Variants in IQGAP2 observed in about 807,000 individuals in gnomAD.
The protein encoded by IQGAP2 is ras GTPase-activating-like protein IQGAP2.
A neutral mutation model predicts 201.3 loss-of-function variants in IQGAP2; 173 were observed. The ratio of observed to expected loss-of-function variants is 0.86; its 90% CI spans 0.76 to 0.98. The LOEUF (loss-of-function observed/expected upper bound fraction) is 0.98. Among genes scored for constraint, IQGAP2 ranks in the 50% least tolerant of loss-of-function variants. IQGAP2 has a pLI of 0.00. For synonymous variants in IQGAP2, 675 were observed against 673.9 expected (o/e 1.00, Z -0.03); for missense variants, 1,687 against 1,864.8 (o/e 0.90, Z 1.76).
At position 76,543,433 on chromosome 5, in the gene IQGAP2, G is replaced by A. The variant is rs551310040; in HGVS notation, c.147-18963G>A. On this transcript the variant is annotated intron_variant, in intron 2 of 35. Coordinates refer to ENST00000274364, the MANE Select transcript of IQGAP2 (RefSeq NM_006633.5). ...GACGTAAATGTGCAAGCGGGCCTCA[G>A]AGCCTAGGTGGACCGGCCTCCTTGC... Among the ~76,000 whole-genome samples the A allele has an allele frequency of 9.8e-4, 149 of 152,340 alleles. 1 individual carries two copies. The highest frequency in any genetic ancestry group is 3.4e-3 in the African/African-American group (142 of 41,578).
At chr5:76,462,320 T>G (rs2150126836) in intron 2 of IQGAP2, among the ~76,000 whole-genome samples, 1 of 152,246 alleles carries the variant, frequency 6.6e-6, no homozygotes, top group Admixed American at 6.5e-5. Context: ...CCTAAGTAGG[T>G]TTATGACAGC....
intron 2 of IQGAP2, among the ~76,000 whole-genome samples, chr5:76,499,512 C>G (rs1249806640): frequency 1.3e-5 from 2 of 152,166 alleles, no homozygotes; most frequent in African/African-American, 4.8e-5. Flanking sequence ...AAATAAAATT[C>G]TCTGAGCTCT....
At position 76,468,449 on chromosome 5, in the gene IQGAP2, G is replaced by A. The variant is rs1207776910; in HGVS notation, c.146+6780G>A. On this transcript the variant is annotated intron_variant, in intron 2 of 35. Coordinates refer to ENST00000274364, the MANE Select transcript of IQGAP2 (RefSeq NM_006633.5). ...TTATGTTTGCTCTGTTAATCTCTCT[G>A]TATATGTGTATCATCTCCATATCCA... Among the ~76,000 whole-genome samples the A allele has an allele frequency of 2.6e-5, 4 of 152,208 alleles. No homozygotes were observed. The East Asian group carries it at 7.7e-4, about 29-fold the overall frequency.
intron 13 of IQGAP2, among the ~76,000 whole-genome samples, chr5:76,625,768 C>A (rs1249396942): frequency 6.6e-6 from 1 of 152,218 alleles, no homozygotes; most frequent in Non-Finnish European, 1.5e-5. Context: ...CTGCCCCCAT[C>A]CATCTTAAGT....
chr5:76,572,350 A>T (rs1420020242), intron 4 of IQGAP2, among the ~76,000 whole-genome samples: 1 of 151,704 alleles, frequency 6.6e-6, no homozygotes, highest in Non-Finnish European at 1.5e-5. Flanking sequence ...GGCATGCACC[A>T]CCACGCCTGG....
intron 10 of IQGAP2, among the ~76,000 whole-genome samples, chr5:76,600,070 C>T (rs1325858221): frequency 6.6e-6 from 1 of 152,078 alleles, no homozygotes; most frequent in Non-Finnish European, 1.5e-5. Flanking sequence ...ATCGCTTGAA[C>T]CTGGGAGGCG....
At chr5:76,499,961 AACT>A (rs2150167179) in intron 2 of IQGAP2, among the ~76,000 whole-genome samples, 2 of 152,162 alleles carry the variant, frequency 1.3e-5, no homozygotes, top group South Asian at 4.2e-4. Context: ...GACAAAAATT[AACT>A]GGGTGTGGTG....
intron 1 of IQGAP2, chr5:76,404,407 C>A: frequency 5.3e-6 from 5 of 945,920 alleles, no homozygotes; most frequent in Non-Finnish European, 6.3e-6. Context: ...AAACATGTGC[C>A]AGGAAGCATT....
chr5:76,536,013 T>A (rs1201788116), intron 2 of IQGAP2, among the ~76,000 whole-genome samples: 4 of 151,980 alleles, frequency 2.6e-5, no homozygotes, highest in South Asian at 2.1e-4. Flanking sequence ...TCCTTAGAAC[T>A]ATTTATTTCT....
chr5:76,638,763 G>C (rs1206934860), intron 16 of IQGAP2, among the ~76,000 whole-genome samples: 1 of 152,142 alleles, frequency 6.6e-6, no homozygotes, highest in Admixed American at 6.6e-5. Context: ...ATGTTTTCTT[G>C]CAACATGGGA....
intron 17 of IQGAP2, among the ~76,000 whole-genome samples, chr5:76,649,680 T>G (rs1308724544): frequency 2.6e-5 from 4 of 152,144 alleles, no homozygotes; most frequent in Admixed American, 6.5e-5. Context: ...GATCTACCAT[T>G]CTGGGGTCTG....
chr5:76,453,554 T>C (rs1235469149), intron 1 of IQGAP2, among the ~76,000 whole-genome samples: 3 of 152,244 alleles, frequency 2.0e-5, no homozygotes, highest in African/African-American at 7.2e-5. Flanking sequence ...TATCCTCTGC[T>C]ATTTTACTAT....
At chr5:76,609,834 T>TAC (rs1479442444) in intron 12 of IQGAP2, among the ~76,000 whole-genome samples, 20 of 126,086 alleles carry the variant, frequency 1.6e-4, no homozygotes, top group South Asian at 2.6e-4. Flanking sequence ...GTGTGTTTTA[T>TAC]ATATATATGT....
At chr5:76,697,599 G>A (rs942191474) in intron 32 of IQGAP2, among the ~76,000 whole-genome samples, 1 of 152,152 alleles carries the variant, frequency 6.6e-6, no homozygotes, top group African/African-American at 2.4e-5. Flanking sequence ...TCAGGCCACT[G>A]CACTCCAGCC....
chr5:76,642,449 C>T (rs547089017), intron 17 of IQGAP2, among the ~76,000 whole-genome samples: 2 of 152,266 alleles, frequency 1.3e-5, no homozygotes, highest in Non-Finnish European at 2.9e-5. Flanking sequence ...ATGAAGTCAC[C>T]TCACCACGCC....
At chr5:76,533,090 T>A (rs745476588) in intron 2 of IQGAP2, among the ~76,000 whole-genome samples, 4 of 152,218 alleles carry the variant, frequency 2.6e-5, no homozygotes, top group African/African-American at 9.6e-5. Flanking sequence ...CTCCCTCACA[T>A]CTTGCTCTTG....
intron 1 of IQGAP2, among the ~76,000 whole-genome samples, chr5:76,445,952 C>T (rs1753366935): frequency 6.6e-6 from 1 of 152,104 alleles, no homozygotes; most frequent in Non-Finnish European, 1.5e-5. Context: ...TTTCTTTTTG[C>T]GACTGGCTAA....
chr5:76,631,775 C>T, intron 14 of IQGAP2, 84 bp from the exon 15 acceptor site: 1 of 1,056,842 alleles, frequency 9.5e-7, no homozygotes, highest in African/African-American at 1.6e-5. Context: ...TAATGCATTC[C>T]TAAAACGTTG....
intron 11 of IQGAP2, among the ~76,000 whole-genome samples, chr5:76,605,762 A>G (rs1284682084): frequency 6.6e-6 from 1 of 152,222 alleles, no homozygotes; most frequent in African/African-American, 2.4e-5. Context: ...AGAAATAATG[A>G]AAAGGACACT....
Sources: gnomAD v4.1 joint callset for allele counts (sites outside exome capture counted in the v4.1 genomes callset) on GRCh38, gnomAD v4.1.1 for gene constraint, MANE v1.5 for transcripts, NCBI Gene and HGNC (gene_info 2026-07-23, HGNC 2026-07-21) for gene names.